Variants in MYT1 observed in about 807,000 individuals in gnomAD.
The protein encoded by MYT1 is myelin transcription factor I.
Under a neutral mutation model 123.0 loss-of-function variants are expected in MYT1, and 23 were observed. That is an observed-to-expected ratio of 0.19 (90% CI 0.13 to 0.26). The LOEUF is 0.26. Among genes scored for constraint, MYT1 ranks in the 10% least tolerant of loss-of-function variants. The pLI is 1.00. For missense variants in MYT1, 1,125 were observed against 1,472.5 expected (o/e 0.76, Z 3.86); for synonymous variants, 518 against 575.3 (o/e 0.90, Z 1.43).
rs751933885 is a variant in MYT1, at chr20:64,196,047, C to T, written c.1-2815C>T. On this transcript the variant is annotated intron_variant, in intron 2 of 22. Coordinates refer to ENST00000328439, the MANE Select transcript of MYT1 (RefSeq NM_004535.3). This position sits in a 1 kb window ranked among gnomAD's most constrained non-coding sequence, Gnocchi z 4.3. ...TTCTTGAGAAAGGTTGCCGGCCCAG[C>T]AGTAAGAGTGGGTGATGGGGTCGTT... is the stretch of plus-strand genomic sequence containing the variant. Among the ~76,000 whole-genome samples, 1 of 152,138 alleles carries T rather than the reference C, an allele frequency of 6.6e-6. No homozygotes were observed. Among genetic ancestry groups the T allele is most frequent in the Non-Finnish European group, 1.5e-5 (1 of 68,030 alleles).
intron 1 of MYT1, among the ~76,000 whole-genome samples, chr20:64,170,884 TAGAGAG>T (rs71197459): frequency 0.022 from 429 of 19,744 alleles, 6 homozygotes; most frequent in Admixed American, 0.036. Context: ...TATATATATA[TAGAGAG>T]AGAGAGAGAG....
chr20:64,201,021 C>T (rs1041481633), intron 4 of MYT1, among the ~76,000 whole-genome samples: 1 of 152,126 alleles, frequency 6.6e-6, no homozygotes, highest in Non-Finnish European at 1.5e-5. Context: ...AGAAGGACCC[C>T]GAGTAAAGGG....
In MYT1 at chr20:64,198,932, C is replaced by A; in HGVS notation, c.55+16C>A. The A allele has an allele frequency of 6.2e-7, 1 of 1,613,440 alleles. No homozygotes were observed. ...GCCCTGCGAGGTGAGTGCCGCCCTC[C>A]CCTCCTCCAGGGCTGTAAATGCCAC... is the stretch of plus-strand genomic sequence containing the variant. On this transcript the variant is annotated intron_variant, in intron 3 of 22. Coordinates refer to ENST00000328439, the MANE Select transcript of MYT1 (RefSeq NM_004535.3).
rs1568714792 is a variant in MYT1 at position 64,217,253 on chromosome 20, C to A, written c.1818C>A (p.Thr606=). 6.2e-7 allele frequency: 1 copy of A among 1,614,248 alleles called. No individual in the cohort carries two copies. The highest frequency in any genetic ancestry group is 1.6e-4 in the Middle Eastern group (1 of 6,062). The change falls in exon 11 of 23, where the codon ACC becomes ACA. Residue 606 remains threonine, a synonymous_variant. Coordinates refer to ENST00000328439, the MANE Select transcript of MYT1 (RefSeq NM_004535.3). The part of the protein sequence containing the change: ...GKRMLAPKIQ[T]SETSPKAFQC... The stretch of plus-strand genomic sequence containing the variant: ...GCATGCTTGCCCCAAAGATTCAGAC[C>A]AGCGAAACCTCACCTAAAGCCTTTC...
In MYT1 at chr20:64,196,837, C is replaced by T. The variant is rs572983028; in HGVS notation, c.1-2025C>T. Among the ~76,000 whole-genome samples, 10 of 152,326 alleles carry T rather than the reference C, an allele frequency of 6.6e-5. No individual in the cohort carries two copies. The highest frequency in any genetic ancestry group is 2.1e-4 in the South Asian group (1 of 4,830). On this transcript the variant is annotated intron_variant, in intron 2 of 22. Coordinates refer to ENST00000328439, the MANE Select transcript of MYT1 (RefSeq NM_004535.3). This position sits in a 1 kb window ranked among gnomAD's most constrained non-coding sequence, Gnocchi z 4.3. ...GCAGGAAATCCAAATTGCCAAGGCA[C>T]GCTTTAACCTAGCAGAATGCTTGCC...
chr20:64,192,524 A>C lies in MYT1; in HGVS notation c.-1+2364A>C, dbSNP rs1197430363. On this transcript the variant is annotated intron_variant, in intron 2 of 22. Transcript: ENST00000328439. The surrounding 1 kb of genome is among the most constrained non-coding windows in gnomAD (Gnocchi z 5.3). Reference sequence around the variant, plus strand: ...GAGCCAGCATGGGAGGGCAGTGAACACACAAACCCTGTGCATGGGACCGTC... The same window carrying C: ...GAGCCAGCATGGGAGGGCAGTGAACCCACAAACCCTGTGCATGGGACCGTC... 6.6e-6 allele frequency among the ~76,000 whole-genome samples: 1 copy of C among 152,184 alleles called. No individual in the cohort carries two copies. The highest frequency in any genetic ancestry group is 2.4e-5 in the African/African-American group (1 of 41,444).
At chr20:64,198,286 C>G (rs969831932) in intron 2 of MYT1, among the ~76,000 whole-genome samples, 4 of 23,818 alleles carry the variant, frequency 1.7e-4, no homozygotes, top group African/African-American at 4.5e-4. Flanking sequence ...GACTCCGTCT[C>G]AAAAAAAAAA....
chr20:64,222,663 G>T lies in MYT1; in HGVS notation c.2397-448G>T, dbSNP rs142789169. Among the ~76,000 whole-genome samples the T allele has an allele frequency of 1.2e-4, 18 of 152,372 alleles. No homozygotes were observed. The East Asian group carries it at 3.1e-3, about 26-fold the overall frequency. ...TGGCACCTGCTCCACAGGTGATCCA[G>T]CTCTCACATGTGCTCAGAGTACATT... is the stretch of plus-strand genomic sequence containing the variant. On this transcript the variant is annotated intron_variant, in intron 14 of 22. Coordinates refer to ENST00000328439, the MANE Select transcript of MYT1 (RefSeq NM_004535.3).
At position 64,232,290 on chromosome 20, in the gene MYT1, C is replaced by G. The variant is rs755163359; in HGVS notation, c.2802C>G (p.Phe934Leu). ...AAGGGTCCCTCAATGGCTCGTCATT[C>G]TCCTGGAAGTCCCTGAAGAATGAAG... Reference protein sequence around the residue: ...QKEGSLNGSSFSWKSLKNEGP... With the variant: ...QKEGSLNGSSLSWKSLKNEGP... The change falls in exon 19 of 23, where the codon TTC becomes TTG. Residue 934 changes from phenylalanine (F) to leucine (L), a missense_variant. Transcript: ENST00000328439. This position sits in a 1 kb window ranked among gnomAD's most constrained non-coding sequence, Gnocchi z 6.9. The G allele has an allele frequency of 6.2e-7, 1 of 1,613,108 alleles. No homozygotes were observed. The highest frequency in any genetic ancestry group is 8.5e-7 in the Non-Finnish European group (1 of 1,180,026).
In MYT1 at chr20:64,189,024, C is replaced by A. The variant is rs1370889185; in HGVS notation, c.-98-1039C>A. On this transcript the variant is annotated intron_variant, in intron 1 of 22. Transcript: ENST00000328439. This position sits in a 1 kb window ranked among gnomAD's most constrained non-coding sequence, Gnocchi z 5.5. ...TATGCTCTGGAAGGTAATCCGAAGC[C>A]CTTTAATGGGATGGAAGCATTTCCA... is the stretch of plus-strand genomic sequence containing the variant. Among the ~76,000 whole-genome samples the A allele has an allele frequency of 6.6e-6, 1 of 152,134 alleles. No homozygotes were observed. The highest frequency in any genetic ancestry group is 1.5e-5 in the Non-Finnish European group (1 of 68,032).
intron 18 of MYT1, among the ~76,000 whole-genome samples, chr20:64,229,697 G>A (rs886328250): frequency 1.3e-4 from 20 of 152,226 alleles, no homozygotes; most frequent in Admixed American, 7.2e-4. Context: ...ATGGGATTTC[G>A]TCAGCATGCA....
intron 2 of MYT1, among the ~76,000 whole-genome samples, chr20:64,195,376 GTGTGT>G (rs1983082579): frequency 9.6e-6 from 1 of 104,072 alleles, no homozygotes; most frequent in African/African-American, 4.0e-5. Flanking sequence ...GTGTGTGTGT[GTGTGT>G]GTGTGTGTGT....
intron 4 of MYT1, among the ~76,000 whole-genome samples, 169 bp from the exon 5 acceptor site, chr20:64,204,866 C>G (rs1983434351): frequency 6.6e-6 from 1 of 152,202 alleles, no homozygotes; most frequent in Non-Finnish European, 1.5e-5. Flanking sequence ...CTGTAATGAG[C>G]CATTTATTTA....
Position 64,186,941 on chromosome 20 carries a change from A to G in MYT1, c.-98-3122A>G, listed in dbSNP as rs1350251687. ...ATGTTTCCGTGGAGAGTTTTCCTGT[A>G]GCACGTGGCTCCGGCATCCACGTTT... On this transcript the variant is annotated intron_variant, in intron 1 of 22. Transcript: ENST00000328439. This position sits in a 1 kb window ranked among gnomAD's most constrained non-coding sequence, Gnocchi z 4.3. 5.2e-5 allele frequency among the ~76,000 whole-genome samples: 7 copies of G among 135,400 alleles called. No individual in the cohort carries two copies. Among genetic ancestry groups the G allele is most frequent in the East Asian group, 2.3e-4 (1 of 4,428 alleles). 88.8% of individuals were successfully genotyped at this position (135,400 alleles called of 152,430 possible).
chr20:64,222,433 A>G (rs1239802584), intron 14 of MYT1, among the ~76,000 whole-genome samples: 4 of 152,232 alleles, frequency 2.6e-5, no homozygotes, highest in African/African-American at 4.8e-5. Flanking sequence ...CCTGGGCTCC[A>G]TGGCCAAGGC....
intron 10 of MYT1, among the ~76,000 whole-genome samples, chr20:64,215,455 A>G (rs1457338157): frequency 2.6e-5 from 4 of 152,178 alleles, no homozygotes; most frequent in Non-Finnish European, 4.4e-5. Flanking sequence ...ATTTCTGGCT[A>G]TCGAACTTTG....
At position 64,193,183 on chromosome 20, in the gene MYT1, A is replaced by G. The variant is rs1438250039; in HGVS notation, c.-1+3023A>G. On this transcript the variant is annotated intron_variant, in intron 2 of 22. Transcript: ENST00000328439. This position sits in a 1 kb window ranked among gnomAD's most constrained non-coding sequence, Gnocchi z 4.0. ...GAGGACAGAACTATCTCTGCAAGGA[A>G]CCAAGGGTACTGTGATGGCTGCCAG... Among the ~76,000 whole-genome samples, 1 of 152,220 alleles carries G rather than the reference A, an allele frequency of 6.6e-6. No individual in the cohort carries two copies. The highest frequency in any genetic ancestry group is 6.5e-5 in the Admixed American group (1 of 15,290).
rs896881737 is a variant in MYT1, at chr20:64,190,542, C to CT, written c.-1+382_-1+383insT. 1.6e-4 allele frequency among the ~76,000 whole-genome samples: 23 copies of CT among 147,872 alleles called. No individual in the cohort carries two copies. The highest frequency in any genetic ancestry group is 5.8e-4 in the African/African-American group (23 of 39,570). On this transcript the variant is annotated intron_variant, in intron 2 of 22. Coordinates refer to ENST00000328439, the MANE Select transcript of MYT1 (RefSeq NM_004535.3). The surrounding 1 kb of genome is among the most constrained non-coding windows in gnomAD (Gnocchi z 4.1). ...CACAAAAATTAGCCGGGCATGGTGG[C>CT]ATGCGCCTGTAATCCCAGCTATTTG...
At chr20:64,240,072 T>C (rs1342997267) in intron 22 of MYT1, among the ~76,000 whole-genome samples, 169 bp downstream of exon 22, 1 of 152,144 alleles carries the variant, frequency 6.6e-6, no homozygotes, top group Non-Finnish European at 1.5e-5. Context: ...TTGGCTGTGG[T>C]GGGTTTAGCC....
Sources: allele counts gnomAD v4.1 joint callset (sites outside exome capture counted in the v4.1 genomes callset), GRCh38; gene constraint gnomAD v4.1.1; non-coding constraint Gnocchi (gnomAD v3.1); transcripts MANE v1.5; gene names NCBI Gene and HGNC (gene_info 2026-07-23, HGNC 2026-07-21).